Variants in DLAT observed in about 807,000 individuals in gnomAD.
DLAT encodes the protein dihydrolipoyllysine-residue acetyltransferase component of pyruvate dehydrogenase complex, mitochondrial.
A neutral mutation model predicts 68.0 loss-of-function variants in DLAT; 43 were observed. The ratio of observed to expected loss-of-function variants is 0.63; its 90% CI spans 0.50 to 0.81. The LOEUF (loss-of-function observed/expected upper bound fraction) is 0.81. Among genes scored for constraint, DLAT ranks in the 40% least tolerant of loss-of-function variants. The pLI is 0.00. For missense variants in DLAT, 745 were observed against 815.4 expected (o/e 0.91, Z 1.05); for synonymous variants, 265 against 288.6 (o/e 0.92, Z 0.83).
intron 10 of DLAT, among the ~76,000 whole-genome samples, chr11:112,047,439 CT>C (rs1382359748): frequency 1.3e-5 from 2 of 152,154 alleles, no homozygotes; most frequent in African/African-American, 4.8e-5. Flanking sequence ...ATGATAGTTT[CT>C]TTTGCTGTGC....
chr11:112,061,649 G>A (rs1438332449), intron 13 of DLAT: 2 of 166,964 alleles, frequency 1.2e-5, no homozygotes, highest in Non-Finnish European at 2.6e-5. Flanking sequence ...TGCCATCTCG[G>A]CTCACTGCAA....
rs1286345918 is a variant in DLAT, at chr11:112,025,526, C to T, written c.54C>T (p.Leu18=). The change falls in exon 1 of 14, where the codon CTC becomes CTT. Residue 18 remains leucine, a synonymous_variant. Transcript: ENST00000280346. ...AGAATGTAGCCCCATGGGCGGGACT[C>T]GAGGCTCGGTGGACGGCCTTGCAGG... ...RAQNVAPWAG[L]EARWTALQEV... The T allele has an allele frequency of 1.2e-6, 2 of 1,613,830 alleles. No individual in the cohort carries two copies. The highest frequency in any genetic ancestry group is 1.1e-5 in the South Asian group (1 of 91,080).
At chr11:112,053,239 T>C (rs1274222501) in intron 11 of DLAT, among the ~76,000 whole-genome samples, 1 of 151,968 alleles carries the variant, frequency 6.6e-6, no homozygotes, top group African/African-American at 2.4e-5. Context: ...GGAGAATTGC[T>C]TGAACCCAGG....
At chr11:112,037,682 T>C (rs1409216334) in intron 6 of DLAT, among the ~76,000 whole-genome samples, 1 of 152,176 alleles carries the variant, frequency 6.6e-6, no homozygotes, top group African/African-American at 2.4e-5. Flanking sequence ...TCCTGCTATC[T>C]AGAGTCCTGC....
In DLAT at chr11:112,033,576, A is replaced by G. The variant is rs370856825; in HGVS notation, c.787+46A>G. On this transcript the variant is annotated intron_variant, in intron 5 of 13. Transcript: ENST00000280346. ...AATGGTTGAGGCACTGAGTTTCCCA[A>G]TGAGGAAGAGGATTGCCATTCTTTC... 8.0e-5 allele frequency: 129 copies of G among 1,609,046 alleles called. 1 individual carries two copies. The highest frequency in any genetic ancestry group is 1.1e-4 in the Non-Finnish European group (126 of 1,177,196).
chr11:112,061,006 C>T, intron 12 of DLAT, 32 bp from the exon 13 acceptor site: 1 of 1,531,640 alleles, frequency 6.5e-7, no homozygotes, highest in Non-Finnish European at 8.8e-7. Context: ...TGTTGACAAA[C>T]TATAATTTAT....
At position 112,037,333 on chromosome 11, in the gene DLAT, A is replaced by C; in HGVS notation, c.848A>C (p.Asp283Ala). 1 of 1,614,144 alleles carries C rather than the reference A, an allele frequency of 6.2e-7. No homozygotes were observed. Among genetic ancestry groups the C allele is most frequent in the South Asian group, 1.1e-5 (1 of 91,080 alleles). ...AKILVPEGTR[D>A]VPLGTPLCII... The stretch of plus-strand genomic sequence containing the variant: ...ATCCTGGTCCCTGAAGGCACAAGAG[A>C]TGTCCCTCTAGGAACCCCACTCTGT... The change falls in exon 6 of 14, where the codon GAT becomes GCT. Residue 283 changes from aspartate to alanine, a missense_variant. Transcript: ENST00000280346.
rs587683068 is a variant in DLAT, at chr11:112,059,949, C to T, written c.1561C>T (p.Leu521Phe). 1.2e-6 allele frequency: 2 copies of T among 1,613,580 alleles called. No homozygotes were observed. The highest frequency in any genetic ancestry group is 1.1e-5 in the South Asian group (1 of 91,002). Residue 521 changes from leucine to phenylalanine, a missense_variant, in exon 12 of 14, where the codon CTC becomes TTC. Leu to Phe is a conservative substitution (Grantham distance 22). Coordinates refer to ENST00000280346, the MANE Select transcript of DLAT (RefSeq NM_001931.5). ...VSVAVSTPAGLITPIVFNAHI... is the reference protein window; with the variant it reads ...VSVAVSTPAGFITPIVFNAHI... ...TGTTGCGGTCAGTACTCCTGCAGGACTCATCACACCTATTGTGTTTAATGC... is the reference window on the plus strand; with the variant it reads ...TGTTGCGGTCAGTACTCCTGCAGGATTCATCACACCTATTGTGTTTAATGC...
At chr11:112,055,533 C>T (rs587651428) in intron 11 of DLAT, among the ~76,000 whole-genome samples, 72 of 152,022 alleles carry the variant, frequency 4.7e-4, no homozygotes, top group African/African-American at 1.5e-3. Context: ...CGTGAGCCAC[C>T]GCGCCCGGCC....
intron 11 of DLAT, among the ~76,000 whole-genome samples, chr11:112,053,795 T>C (rs1306254858): frequency 6.6e-6 from 1 of 152,216 alleles, no homozygotes; most frequent in African/African-American, 2.4e-5. Context: ...TGGTATTTAT[T>C]TACCTGCAGA....
chr11:112,028,961 T>C lies in DLAT; in HGVS notation c.660+16T>C, dbSNP rs1233345883. 1.2e-5 allele frequency: 20 copies of C among 1,613,896 alleles called. No individual in the cohort carries two copies. The highest frequency in any genetic ancestry group is 1.7e-5 in the Non-Finnish European group (20 of 1,180,040). ...TCACATGCAGGTGAGGCTCAGCCTCTGAGTTTTTGCTCTAGGTGATTACTT... is the reference window on the plus strand; with the variant it reads ...TCACATGCAGGTGAGGCTCAGCCTCCGAGTTTTTGCTCTAGGTGATTACTT... On this transcript the variant is annotated intron_variant, in intron 4 of 13. Transcript: ENST00000280346.
chr11:112,041,420 G>A (rs1036317820), intron 7 of DLAT, among the ~76,000 whole-genome samples: 6 of 152,120 alleles, frequency 3.9e-5, no homozygotes, highest in Admixed American at 3.9e-4. Flanking sequence ...TAGACAGGTT[G>A]GTTGGGAGAT....
chr11:112,045,232 T>A lies in DLAT; in HGVS notation c.1290+2T>A. On this transcript the variant is annotated splice_donor_variant, in intron 9 of 13. Coordinates refer to ENST00000280346, the MANE Select transcript of DLAT (RefSeq NM_001931.5). LOFTEE classifies it high-confidence loss of function. Reference sequence around the variant, plus strand: ...ATCCCAATCAGCAACATTCGTCGGGTAAGAGAATTACCATCATCTGGAATC... The same window carrying A: ...ATCCCAATCAGCAACATTCGTCGGGAAAGAGAATTACCATCATCTGGAATC... 1 of 1,611,962 alleles carries A rather than the reference T, an allele frequency of 6.2e-7. No homozygotes were observed. Among genetic ancestry groups the A allele is most frequent in the South Asian group, 1.1e-5 (1 of 91,022 alleles).
At chr11:112,029,658 T>TC (rs1176099866) in intron 4 of DLAT, among the ~76,000 whole-genome samples, 2 of 151,612 alleles carry the variant, frequency 1.3e-5, no homozygotes, top group African/African-American at 2.4e-5. Flanking sequence ...TTTTTTTTTT[T>TC]CCACATACAA....
intron 4 of DLAT, among the ~76,000 whole-genome samples, chr11:112,031,451 C>T (rs1412918509): frequency 1.3e-5 from 2 of 152,112 alleles, no homozygotes; most frequent in African/African-American, 4.8e-5. Flanking sequence ...GGGTCTCACT[C>T]CATCACCTAG....
At chr11:112,053,153 C>T (rs1403462377) in intron 11 of DLAT, among the ~76,000 whole-genome samples, 3 of 152,066 alleles carry the variant, frequency 2.0e-5, no homozygotes, top group African/African-American at 4.8e-5. Context: ...GAAACCCCAT[C>T]TCTACTAAAA....
At chr11:112,059,881 A>G (rs1253932401) in intron 11 of DLAT, 22 bp from the exon 12 acceptor site, 4 of 1,548,304 alleles carry the variant, frequency 2.6e-6, no homozygotes, top group African/African-American at 2.8e-5. Context: ...TTTTTATTAT[A>G]TTTATTTTTC....
rs142003559 is a variant in DLAT, at chr11:112,046,951, T to C, written c.1398+981T>C. 5.2e-3 allele frequency among the ~76,000 whole-genome samples: 792 copies of C among 152,324 alleles called. 2 individuals carry two copies. Among genetic ancestry groups the C allele is most frequent in the Non-Finnish European group, 9.3e-3 (630 of 68,026 alleles). On this transcript the variant is annotated intron_variant, in intron 10 of 13. Coordinates refer to ENST00000280346, the MANE Select transcript of DLAT (RefSeq NM_001931.5). ...CATATGTGTGCATGTGTCTTTATAGTAGAATGGTTTATAATCCTTTGGGTC... is the reference window on the plus strand; with the variant it reads ...CATATGTGTGCATGTGTCTTTATAGCAGAATGGTTTATAATCCTTTGGGTC...
At position 112,062,453 on chromosome 11, in the gene DLAT, G is replaced by A. The variant is rs782250226; in HGVS notation, c.1862G>A (p.Arg621Gln). The A allele has an allele frequency of 1.2e-6, 2 of 1,612,686 alleles. No individual in the cohort carries two copies. The highest frequency in any genetic ancestry group is 1.3e-5 in the African/African-American group (1 of 74,976). ...TCTGTTACACTCAGTTGTGATCACCGGGTGGTGGATGGAGCAGTTGGAGCC... is the reference window on the plus strand; with the variant it reads ...TCTGTTACACTCAGTTGTGATCACCAGGTGGTGGATGGAGCAGTTGGAGCC... ...MMSVTLSCDH[R>Q]VVDGAVGAQW... Residue 621 changes from arginine (R) to glutamine (Q), a missense_variant, in exon 14 of 14, where the codon CGG becomes CAG. Arg to Gln is a conservative substitution (Grantham distance 43, BLOSUM62 1). Coordinates refer to ENST00000280346, the MANE Select transcript of DLAT (RefSeq NM_001931.5).
Sources: gnomAD v4.1 joint callset for allele counts (sites outside exome capture counted in the v4.1 genomes callset) on GRCh38, gnomAD v4.1.1 for gene constraint, MANE v1.5 for transcripts, NCBI Gene and HGNC (gene_info 2026-07-23, HGNC 2026-07-21) for gene names.